The following TRABD2B variants were observed in gnomAD, a reference collection of about 807,000 sequenced individuals.
The protein encoded by TRABD2B is metalloprotease TIKI2.
In TRABD2B, 14 loss-of-function variants were observed where a neutral mutation model predicts 40.1. The ratio of observed to expected loss-of-function variants is 0.35; its 90% confidence interval spans 0.23 to 0.55. The LOEUF is 0.55. TRABD2B is among the 20% of genes least tolerant of loss of function. The pLI, the probability that TRABD2B is intolerant of heterozygous loss-of-function variation, is 0.90. For synonymous variants in TRABD2B, 263 were observed against 277.0 expected (o/e 0.95, Z 0.50); for missense variants, 541 against 648.6 (o/e 0.83, Z 1.80).
chr1:47,771,440 C>T (rs1329366763), intron 6 of TRABD2B, among the ~76,000 whole-genome samples: 2 of 152,214 alleles, frequency 1.3e-5, no homozygotes, highest in Non-Finnish European at 2.9e-5. Flanking sequence ...TACACCTGGC[C>T]AGCATGACTT....
chr1:47,931,772 T>C (rs1645043369), intron 2 of TRABD2B, among the ~76,000 whole-genome samples: 1 of 152,238 alleles, frequency 6.6e-6, no homozygotes, highest in South Asian at 2.1e-4. Flanking sequence ...CTGCTCCCTG[T>C]CCAAGTCCTG....
chr1:47,770,089 G>T (rs1267577435), intron 6 of TRABD2B, among the ~76,000 whole-genome samples: 1 of 152,180 alleles, frequency 6.6e-6, no homozygotes, highest in Non-Finnish European at 1.5e-5. Flanking sequence ...TCTAGGATCT[G>T]GGCATCCCAA....
chr1:47,838,757 A>T (rs905072310), intron 2 of TRABD2B, among the ~76,000 whole-genome samples: 1 of 152,234 alleles, frequency 6.6e-6, no homozygotes, highest in Non-Finnish European at 1.5e-5. Context: ...GCTGACGCCC[A>T]GAAGAGTAAG....
intron 2 of TRABD2B, among the ~76,000 whole-genome samples, chr1:47,892,850 A>G (rs1183954314): frequency 6.6e-6 from 1 of 152,244 alleles, no homozygotes; most frequent in African/African-American, 2.4e-5. Context: ...GAAGGCCAGC[A>G]CCATGAAACA....
chr1:47,923,542 G>A (rs1644928917), intron 2 of TRABD2B, among the ~76,000 whole-genome samples: 1 of 152,210 alleles, frequency 6.6e-6, no homozygotes, highest in African/African-American at 2.4e-5. Context: ...CTCTTTAGAT[G>A]TGGATGATGG....
At chr1:47,782,876 A>G (rs919199174) in intron 4 of TRABD2B, among the ~76,000 whole-genome samples, 3 of 152,212 alleles carry the variant, frequency 2.0e-5, no homozygotes, top group Admixed American at 1.3e-4. Context: ...TCAGCCTGCA[A>G]GGCTTGCCCA....
intron 2 of TRABD2B, among the ~76,000 whole-genome samples, chr1:47,873,386 T>C (rs142909010): frequency 6.6e-6 from 1 of 152,340 alleles, no homozygotes; most frequent in East Asian, 1.9e-4. Context: ...TCAGGTAGTC[T>C]TTATTTGCCT....
chr1:47,938,244 C>T (rs190218452), intron 2 of TRABD2B, among the ~76,000 whole-genome samples: 2 of 152,252 alleles, frequency 1.3e-5, no homozygotes, highest in East Asian at 1.9e-4. Context: ...ACGCTGCAGG[C>T]ACAGAGAGGC....
rs191532339 is a variant in TRABD2B at position 47,802,965 on chromosome 1, T to C, written c.667-1346A>G. ...TGCTATGGTCAATAACCTCATTTCTTACATGGCTTTCATGCCTCCAAATAC... is the reference window on the plus strand; with the variant it reads ...TGCTATGGTCAATAACCTCATTTCTCACATGGCTTTCATGCCTCCAAATAC... On this transcript the variant is annotated intron_variant, in intron 2 of 6. Coordinates refer to ENST00000606738, the MANE Select transcript of TRABD2B (RefSeq NM_001194986.2). Among the ~76,000 whole-genome samples the C allele has an allele frequency of 3.3e-5, 5 of 152,170 alleles. No homozygotes were observed. In the East Asian group the frequency reaches 7.7e-4, roughly 24 times the overall value.
chr1:47,768,795 C>T (rs1022216341), intron 6 of TRABD2B, among the ~76,000 whole-genome samples: 2 of 152,152 alleles, frequency 1.3e-5, no homozygotes, highest in Non-Finnish European at 2.9e-5. Context: ...TAACACCTTC[C>T]ACTTATAGAG....
rs1367218787 is a variant in TRABD2B at position 47,965,598 on chromosome 1, G to C, written c.666+28436C>G. 2.6e-5 allele frequency among the ~76,000 whole-genome samples: 4 copies of C among 152,208 alleles called. 1 individual carries two copies. The highest frequency in any genetic ancestry group is 2.0e-4 in the Admixed American group (3 of 15,300). On this transcript the variant is annotated intron_variant, in intron 2 of 6. Transcript: ENST00000606738. ...CCAACCCCAAACCCAGGGGACACTG[G>C]GGGAGTCTGTTTCTGAAAGGTCTCT...
intron 2 of TRABD2B, among the ~76,000 whole-genome samples, chr1:47,807,449 G>A (rs972751857): frequency 6.6e-6 from 1 of 152,204 alleles, no homozygotes; most frequent in Non-Finnish European, 1.5e-5. Flanking sequence ...GAAGGCTTGG[G>A]TCATGCCGCC....
intron 2 of TRABD2B, among the ~76,000 whole-genome samples, chr1:47,829,304 T>C (rs542938054): frequency 6.6e-6 from 1 of 152,184 alleles, no homozygotes; most frequent in Admixed American, 6.5e-5. Flanking sequence ...GGGGCTTCAC[T>C]TACCCCCACT....
intron 2 of TRABD2B, among the ~76,000 whole-genome samples, chr1:47,830,564 T>C (rs1407859151): frequency 6.6e-6 from 1 of 152,174 alleles, no homozygotes; most frequent in East Asian, 1.9e-4. Flanking sequence ...TTGCACATCT[T>C]TGAGGATTAA....
At position 47,800,965 on chromosome 1, in the gene TRABD2B, A is replaced by G. The variant is rs769664923; in HGVS notation, c.813+508T>C. 7.1e-4 allele frequency among the ~76,000 whole-genome samples: 108 copies of G among 152,240 alleles called. 1 individual carries two copies. The highest frequency in any genetic ancestry group is 1.4e-3 in the Non-Finnish European group (93 of 68,016). On this transcript the variant is annotated intron_variant, in intron 3 of 6. Coordinates refer to ENST00000606738, the MANE Select transcript of TRABD2B (RefSeq NM_001194986.2). ...TGCTGGAGGAAGCATCTTGGAATTC[A>G]CCATGAGAGCAATGAATGGGGAGGC...
chr1:47,849,335 A>G (rs1264855794), intron 2 of TRABD2B, among the ~76,000 whole-genome samples: 1 of 152,242 alleles, frequency 6.6e-6, no homozygotes, highest in African/African-American at 2.4e-5. Flanking sequence ...AGAGGCATCC[A>G]GAACACTGCC....
chr1:47,970,235 T>C (rs1645662031), intron 2 of TRABD2B, among the ~76,000 whole-genome samples: 1 of 150,946 alleles, frequency 6.6e-6, no homozygotes, highest in Non-Finnish European at 1.5e-5. Context: ...AGAGGCAGGG[T>C]GTCAGGCTCT....
At chr1:47,976,406 G>A (rs1414259074) in intron 2 of TRABD2B, among the ~76,000 whole-genome samples, 2 of 151,968 alleles carry the variant, frequency 1.3e-5, no homozygotes, top group Non-Finnish European at 2.9e-5. Context: ...AATCATTTGT[G>A]TACTTTGCAT....
At chr1:47,773,731 GT>G (rs1644407152) in intron 6 of TRABD2B, among the ~76,000 whole-genome samples, 1 of 152,168 alleles carries the variant, frequency 6.6e-6, no homozygotes. Flanking sequence ...CCAGTCTCGG[GT>G]ATGTCTTTAT....
Sources: gnomAD v4.1 joint callset for allele counts (sites outside exome capture counted in the v4.1 genomes callset) on GRCh38, gnomAD v4.1.1 for gene constraint, MANE v1.5 for transcripts, NCBI Gene and HGNC (gene_info 2026-07-23, HGNC 2026-07-21) for gene names.